CAST: variants seen among roughly 807,000 people sequenced by gnomAD.
CAST encodes MIR583 host.
CAST carries 76 observed loss-of-function variants against 119.6 expected under a neutral mutation model. That is an observed-to-expected ratio of 0.64 (90% CI 0.53 to 0.77). CAST has a LOEUF of 0.77. Ranked by LOEUF, CAST falls within the 30% of genes least tolerant of loss-of-function variation. CAST has a pLI of 0.00. For missense variants in CAST, 953 were observed against 946.5 expected (o/e 1.01, Z -0.09); for synonymous variants, 319 against 331.6 (o/e 0.96, Z 0.41).
rs1266766003 is a variant in CAST, at chr5:96,540,493, C to G, written c.60+10613C>G. Among the ~76,000 whole-genome samples, 3 of 152,210 alleles carry G rather than the reference C, an allele frequency of 2.0e-5. No individual in the cohort carries two copies. The East Asian group carries it at 5.8e-4, about 29-fold the overall frequency. On this transcript the variant is annotated intron_variant, in intron 1 of 11. Coordinates refer to the CAST transcript ENST00000505143. Reference sequence around the variant, plus strand: ...TTATAGAAAAAATAAGCAAATAGTACAGAAAGCTCTCATATATCCCCACAT... The same window carrying G: ...TTATAGAAAAAATAAGCAAATAGTAGAGAAAGCTCTCATATATCCCCACAT...
chr5:96,258,648 A>G, the CAST span, among the ~76,000 whole-genome samples: 1 of 152,256 alleles, frequency 6.6e-6, no homozygotes, highest in Non-Finnish European at 1.5e-5. Flanking sequence ...GATGCATGAC[A>G]TTTGGGTCCT....
chr5:96,357,018 T>G, the CAST span, among the ~76,000 whole-genome samples: 1 of 152,188 alleles, frequency 6.6e-6, no homozygotes, highest in Non-Finnish European at 1.5e-5. Context: ...TGAGCAGTGG[T>G]TTGTAATTCT....
At chr5:95,962,116 G>T in the CAST span, 17 of 372,966 alleles carry the variant, frequency 4.6e-5, no homozygotes, top group Non-Finnish European at 7.6e-5. Context: ...AGCCGGCCGA[G>T]ATTGGCCAGG....
the CAST span, among the ~76,000 whole-genome samples, chr5:96,038,759 T>G: frequency 2.6e-5 from 4 of 152,210 alleles, no homozygotes; most frequent in African/African-American, 9.6e-5. Flanking sequence ...ATTTTCTTAA[T>G]CCAGTCTATC....
chr5:96,560,522 C>T (rs558920742), intron 1 of CAST, among the ~76,000 whole-genome samples: 4 of 152,216 alleles, frequency 2.6e-5, no homozygotes, highest in Admixed American at 2.0e-4. Context: ...AAAAACAACC[C>T]CATCAAAAAG....
At chr5:96,380,147 A>G in the CAST span, among the ~76,000 whole-genome samples, 2 of 152,154 alleles carry the variant, frequency 1.3e-5, no homozygotes, top group African/African-American at 2.4e-5. Flanking sequence ...TTTCGTAATA[A>G]TCCTCACATG....
chr5:96,487,150 G>T, the CAST span, among the ~76,000 whole-genome samples: 2 of 151,524 alleles, frequency 1.3e-5, no homozygotes, highest in Admixed American at 6.6e-5. Context: ...TAATATGTGG[G>T]GCAGTTCTGC....
At chr5:96,640,968 A>T (rs1365414819) in intron 1 of CAST, among the ~76,000 whole-genome samples, 2 of 152,226 alleles carry the variant, frequency 1.3e-5, no homozygotes, top group African/African-American at 4.8e-5. Flanking sequence ...AATGCTATAT[A>T]ATACCATAAA....
the CAST span, among the ~76,000 whole-genome samples, chr5:96,433,606 AG>A: frequency 1.3e-4 from 20 of 151,252 alleles, no homozygotes; most frequent in South Asian, 1.1e-3. Context: ...TGTGGCGGGG[AG>A]GGGGGGAGGC....
At chr5:96,762,226 A>G (rs750522746) in intron 24 of CAST, 48 bp from the exon 25 acceptor site, 15 of 1,271,012 alleles carry the variant, frequency 1.2e-5, no homozygotes, top group Non-Finnish European at 1.7e-5. Flanking sequence ...CATTGTGCTC[A>G]TAATTTTATA....
the CAST span, among the ~76,000 whole-genome samples, chr5:96,367,608 T>C: frequency 6.6e-6 from 1 of 152,116 alleles, no homozygotes; most frequent in African/African-American, 2.4e-5. Flanking sequence ...TCTGTGGGTG[T>C]GGGACCCTCC....
chr5:96,444,941 G>C, the CAST span, among the ~76,000 whole-genome samples: 1 of 152,192 alleles, frequency 6.6e-6, no homozygotes, highest in East Asian at 1.9e-4. Flanking sequence ...TGGCAACTGT[G>C]AGTTTTGCTG....
chr5:96,183,656 G>A, the CAST span, among the ~76,000 whole-genome samples: 1 of 152,042 alleles, frequency 6.6e-6, no homozygotes, highest in Non-Finnish European at 1.5e-5. Context: ...CAAAAACTTG[G>A]TTTAAGTTCA....
chr5:96,145,199 G>T, the CAST span, among the ~76,000 whole-genome samples: 1 of 152,188 alleles, frequency 6.6e-6, no homozygotes, highest in Non-Finnish European at 1.5e-5. Flanking sequence ...TTGCAAGTAT[G>T]TGTTTTCCCA....
rs569970531 is a variant in CAST, at chr5:96,626,305, C to T, written c.61-49234C>T. Among the ~76,000 whole-genome samples, 105 of 152,220 alleles carry T rather than the reference C, an allele frequency of 6.9e-4. 1 individual carries two copies. Among genetic ancestry groups the T allele is most frequent in the Non-Finnish European group, 1.1e-3 (78 of 68,036 alleles). ...TGATGACCTGATTCCCCTGCTGCCT[C>T]TCTTACTCCCGAGGGTGATTAAAAC... On this transcript the variant is annotated intron_variant, in intron 1 of 11. Coordinates refer to the CAST transcript ENST00000505143.
chr5:96,722,595 G>C, intron 3 of CAST, 44 bp from the exon 4 acceptor site: 1 of 1,428,608 alleles, frequency 7.0e-7, no homozygotes, highest in Non-Finnish European at 9.9e-7. Flanking sequence ...GTAGATTGTA[G>C]GTTAAATAGA....
intron 1 of CAST, among the ~76,000 whole-genome samples, chr5:96,672,863 A>G (rs1468346959): frequency 6.6e-6 from 1 of 152,178 alleles, no homozygotes; most frequent in Non-Finnish European, 1.5e-5. Context: ...TTTTGAAGTC[A>G]GAAAATAACA....
At chr5:96,476,520 G>A in the CAST span, among the ~76,000 whole-genome samples, 1 of 152,140 alleles carries the variant, frequency 6.6e-6, no homozygotes, top group Non-Finnish European at 1.5e-5. Flanking sequence ...AGCTGGAACA[G>A]AACAACATCA....
At chr5:96,727,710 C>T (rs570876958) in intron 6 of CAST, among the ~76,000 whole-genome samples, 180 bp downstream of exon 6, 2 of 151,660 alleles carry the variant, frequency 1.3e-5, no homozygotes, top group African/African-American at 2.4e-5. Context: ...ACATTAAGTC[C>T]GTATATTGTT....
Sources: allele counts gnomAD v4.1 joint callset (sites outside exome capture counted in the v4.1 genomes callset), GRCh38; gene constraint gnomAD v4.1.1; transcripts MANE v1.5; gene names NCBI Gene and HGNC (gene_info 2026-07-23, HGNC 2026-07-21).